PRLR: variants seen among roughly 807,000 people sequenced by gnomAD.
The protein encoded by PRLR is hPRL receptor.
A neutral mutation model predicts 40.2 loss-of-function variants in PRLR; 13 were observed. The observed-to-expected ratio is 0.32, with a 90% confidence interval of 0.21 to 0.51. PRLR has a LOEUF of 0.51. Among genes scored for constraint, PRLR ranks in the 20% least tolerant of loss-of-function variants. The pLI is 0.97. For missense variants in PRLR, 656 were observed against 747.3 expected (o/e 0.88, Z 1.42); for synonymous variants, 269 against 278.7 (o/e 0.97, Z 0.35).
intron 1 of PRLR, among the ~76,000 whole-genome samples, chr5:35,187,324 C>T (rs1775469281): frequency 6.6e-6 from 1 of 151,808 alleles, no homozygotes; most frequent in South Asian, 2.1e-4. Context: ...TAGCTTGAAC[C>T]CTGGAGGCAG....
intron 1 of PRLR, among the ~76,000 whole-genome samples, chr5:35,198,615 G>A (rs1174890550): frequency 6.6e-6 from 1 of 152,206 alleles, no homozygotes; most frequent in Non-Finnish European, 1.5e-5. Context: ...GATCTTATGT[G>A]TTGTAGTTTG....
At chr5:35,195,919 C>A (rs1414308712) in intron 1 of PRLR, among the ~76,000 whole-genome samples, 1 of 151,978 alleles carries the variant, frequency 6.6e-6, no homozygotes, top group Non-Finnish European at 1.5e-5. Context: ...AGAGAGAGGG[C>A]CTCAGTCTTT....
chr5:35,077,393 G>A (rs1310798212), intron 5 of PRLR, among the ~76,000 whole-genome samples: 1 of 152,016 alleles, frequency 6.6e-6, no homozygotes, highest in Admixed American at 6.6e-5. Flanking sequence ...AAAAAAGCAG[G>A]GGTTGCAATC....
At chr5:35,212,054 G>T (rs566082404) in intron 1 of PRLR, among the ~76,000 whole-genome samples, 16 of 152,296 alleles carry the variant, frequency 1.1e-4, no homozygotes, top group African/African-American at 2.6e-4. Context: ...GGCTCTTTAT[G>T]AAAAGTATTG....
intron 1 of PRLR, among the ~76,000 whole-genome samples, chr5:35,150,687 T>C (rs1427450701): frequency 3.3e-5 from 5 of 152,122 alleles, no homozygotes; most frequent in African/African-American, 1.2e-4. Flanking sequence ...TTGAAAGACA[T>C]ATGATAAATA....
At chr5:35,150,141 C>T (rs1228698462) in intron 1 of PRLR, among the ~76,000 whole-genome samples, 1 of 152,202 alleles carries the variant, frequency 6.6e-6, no homozygotes, top group Non-Finnish European at 1.5e-5. Flanking sequence ...ACCTTGGCCT[C>T]TCAAAGTGCT....
At chr5:35,155,869 A>T (rs906422753) in intron 1 of PRLR, among the ~76,000 whole-genome samples, 15 of 152,260 alleles carry the variant, frequency 9.9e-5, no homozygotes, top group African/African-American at 3.6e-4. Flanking sequence ...TCATGATTTC[A>T]CAAACAGTTC....
chr5:35,071,867 T>C (rs1344029933), intron 6 of PRLR, among the ~76,000 whole-genome samples: 1 of 151,548 alleles, frequency 6.6e-6, no homozygotes, highest in Non-Finnish European at 1.5e-5. Context: ...CCCAAAGTGC[T>C]GGGATTACAA....
rs1270850755 is a variant in PRLR at position 35,230,384 on chromosome 5, GAGA to G, written c.-225_-223del. ...ACGGTCGGTAAAATCCAGAAAGAGG[GAGA>G]AGGAGTGAGTAAGGCAGAAAGCCCA... On this transcript the variant is annotated 5_prime_UTR_variant, in exon 1 of 10. Coordinates refer to ENST00000618457, the MANE Select transcript of PRLR (RefSeq NM_000949.7). The G allele has an allele frequency of 3.9e-5, 6 of 152,382 alleles. No individual in the cohort carries two copies. Among genetic ancestry groups the G allele is most frequent in the East Asian group, 3.9e-4 (2 of 5,174 alleles). 9.4% of individuals were successfully genotyped at this position (152,382 alleles called of 1,614,324 possible). A position where few individuals can be genotyped will look rare whatever the true frequency, so the allele number is the denominator to read the frequency against.
At chr5:35,213,914 T>A (rs1273860433) in intron 1 of PRLR, among the ~76,000 whole-genome samples, 2 of 152,216 alleles carry the variant, frequency 1.3e-5, no homozygotes, top group African/African-American at 4.8e-5. Context: ...CAGCTCCCGG[T>A]CCTGGAGGCC....
intron 1 of PRLR, among the ~76,000 whole-genome samples, chr5:35,192,204 G>A (rs937762890): frequency 3.9e-5 from 6 of 152,210 alleles, no homozygotes; most frequent in African/African-American, 1.4e-4. Flanking sequence ...CAATTCCAAT[G>A]TTGAGAGAAT....
intron 1 of PRLR, among the ~76,000 whole-genome samples, chr5:35,144,033 T>C (rs2111832962): frequency 6.6e-6 from 1 of 150,806 alleles, no homozygotes; most frequent in Admixed American, 6.7e-5. Flanking sequence ...CTCTTAGCTC[T>C]AACACTCATT....
intron 1 of PRLR, among the ~76,000 whole-genome samples, chr5:35,223,546 C>T (rs938782050): frequency 5.3e-5 from 8 of 152,226 alleles, no homozygotes. Context: ...TGCCACACCA[C>T]TGTGCATTTT....
chr5:35,213,705 C>T (rs141192851), intron 1 of PRLR, among the ~76,000 whole-genome samples: 53 of 152,312 alleles, frequency 3.5e-4, no homozygotes, highest in African/African-American at 1.2e-3. Flanking sequence ...AGACAAGTGG[C>T]ACACAGCTAC....
chr5:35,068,331 T>G (rs777314301), intron 8 of PRLR, 46 bp from the exon 9 acceptor site: 2 of 1,542,416 alleles, frequency 1.3e-6, no homozygotes, highest in East Asian at 2.2e-5. Context: ...ATTTCTGACT[T>G]TGTAATTTTT....
downstream of PRLR, among the ~76,000 whole-genome samples, chr5:35,055,461 T>C (rs1334792602): frequency 6.6e-6 from 1 of 152,098 alleles, no homozygotes; most frequent in Non-Finnish European, 1.5e-5. Context: ...CTCAGAGGTG[T>C]TCAAAGATGA....
chr5:35,082,048 G>T, intron 5 of PRLR: 2 of 153,648 alleles, frequency 1.3e-5, no homozygotes, highest in South Asian at 3.6e-4. Context: ...GCAAGAGTGA[G>T]ACCCTCAGCT....
At chr5:35,164,016 G>A (rs1774749954) in intron 1 of PRLR, among the ~76,000 whole-genome samples, 1 of 152,218 alleles carries the variant, frequency 6.6e-6, no homozygotes, top group Non-Finnish European at 1.5e-5. Flanking sequence ...ACATGTGGCT[G>A]AAAGCCTGCT....
intron 2 of PRLR, among the ~76,000 whole-genome samples, chr5:35,109,615 A>C (rs1772511806): frequency 6.6e-6 from 1 of 152,242 alleles, no homozygotes; most frequent in East Asian, 1.9e-4. Context: ...CACATGAAAA[A>C]ATGCTCATCA....
Sources: allele counts gnomAD v4.1 joint callset (sites outside exome capture counted in the v4.1 genomes callset), GRCh38; gene constraint gnomAD v4.1.1; transcripts MANE v1.5; gene names NCBI Gene and HGNC (gene_info 2026-07-23, HGNC 2026-07-21).